Variants in ANP32A observed in about 807,000 individuals in gnomAD.
ANP32A encodes acidic leucine-rich nuclear phosphoprotein 32 family member A.
Under a neutral mutation model 33.9 loss-of-function variants are expected in ANP32A, and 1 was observed. That is an observed-to-expected ratio of 0.03 (90% CI 0.01 to 0.14). The LOEUF (loss-of-function observed/expected upper bound fraction) is 0.14, where lower values mean the gene tolerates loss of function less well. Ranked by LOEUF, ANP32A falls within the 10% of genes least tolerant of loss-of-function variation. The probability of loss-of-function intolerance (pLI) is 1.00; values close to 1 mark genes in which losing one functional copy is unlikely to be tolerated. For missense variants in ANP32A, 155 were observed against 306.0 expected (o/e 0.51, Z 3.68); for synonymous variants, 115 against 120.5 (o/e 0.95, Z 0.30).
chr15:68,786,416 C>T (rs1172821363), intron 3 of ANP32A, among the ~76,000 whole-genome samples: 4 of 151,950 alleles, frequency 2.6e-5, no homozygotes, highest in Non-Finnish European at 5.9e-5. Flanking sequence ...TGTGCCACCA[C>T]GCCGGGCTAA....
At chr15:68,819,043 G>C (rs1045787889) in intron 1 of ANP32A, among the ~76,000 whole-genome samples, 1 of 152,248 alleles carries the variant, frequency 6.6e-6, no homozygotes, top group Non-Finnish European at 1.5e-5. Context: ...AGGCGGGGAG[G>C]GGGTAGACAA....
intron 1 of ANP32A, among the ~76,000 whole-genome samples, chr15:68,793,914 C>T (rs1244869256): frequency 6.6e-6 from 1 of 152,194 alleles, no homozygotes; most frequent in Non-Finnish European, 1.5e-5. Flanking sequence ...AGGACAGGAC[C>T]AGAGAGAAGG....
At chr15:68,794,503 C>T (rs1596067597) in intron 1 of ANP32A, among the ~76,000 whole-genome samples, 1 of 152,218 alleles carries the variant, frequency 6.6e-6, no homozygotes, top group African/African-American at 2.4e-5. Flanking sequence ...AGTCTTTGCA[C>T]ACAAGAGAAG....
intron 1 of ANP32A, chr15:68,789,769 A>C (rs1893977323): frequency 6.6e-6 from 1 of 152,484 alleles, no homozygotes; most frequent in African/African-American, 2.4e-5. Context: ...CACAGCCCAC[A>C]GAGCAGGAGA....
chr15:68,820,859 C>T lies in ANP32A; in HGVS notation c.-108G>A, dbSNP rs569348360. Reference sequence around the variant, plus strand: ...GACTTTGAAGGCTCAACCAGCTCCGCTCGGTTCTCGAGCCCCCAGCACCCG... The same window carrying T: ...GACTTTGAAGGCTCAACCAGCTCCGTTCGGTTCTCGAGCCCCCAGCACCCG... On this transcript the variant is annotated 5_prime_UTR_variant, in exon 1 of 7. Transcript: ENST00000465139. The T allele has an allele frequency of 2.2e-6, 3 of 1,353,912 alleles. No homozygotes were observed. Among genetic ancestry groups the T allele is most frequent in the African/African-American group, 1.4e-5 (1 of 69,480 alleles). The allele number at this position is 1,353,912 out of a possible 1,614,324, so 83.9% of individuals were successfully genotyped here.
chr15:68,813,657 G>A (rs1487252495), intron 1 of ANP32A, among the ~76,000 whole-genome samples: 2 of 152,154 alleles, frequency 1.3e-5, no homozygotes, highest in Non-Finnish European at 1.5e-5. Context: ...GAGGGATGCT[G>A]GTGGCAAACA....
At chr15:68,812,851 T>C (rs906119212) in intron 1 of ANP32A, 1 of 152,142 alleles carries the variant, frequency 6.6e-6, no homozygotes, top group Admixed American at 6.5e-5. Context: ...AGCAGAAAGT[T>C]CGAAAGCCAC....
At chr15:68,809,058 T>C (rs1417978446) in intron 1 of ANP32A, among the ~76,000 whole-genome samples, 1 of 152,150 alleles carries the variant, frequency 6.6e-6, no homozygotes, top group East Asian at 1.9e-4. Context: ...CGTAGCTACT[T>C]CCTGGCCTCT....
At chr15:68,820,507 G>C (rs1307984897) in intron 1 of ANP32A, among the ~76,000 whole-genome samples, 191 bp downstream of exon 1, 1 of 152,086 alleles carries the variant, frequency 6.6e-6, no homozygotes, top group African/African-American at 2.4e-5. Context: ...GGCAGCGGCG[G>C]CGGCAGCCGG....
intron 1 of ANP32A, chr15:68,818,307 A>G: frequency 8.4e-6 from 2 of 238,252 alleles, no homozygotes; most frequent in Non-Finnish European, 1.8e-5. Context: ...CAGTTGGGAG[A>G]GGTGCCGAAG....
chr15:68,819,344 G>A (rs1347691592), intron 1 of ANP32A, among the ~76,000 whole-genome samples: 2 of 152,236 alleles, frequency 1.3e-5, no homozygotes, highest in Admixed American at 6.5e-5. Context: ...AAGCGAGAGG[G>A]AGGCAGAAAT....
chr15:68,780,225 C>T lies in ANP32A; in HGVS notation c.689-83G>A. 2 of 1,584,628 alleles carry T rather than the reference C, an allele frequency of 1.3e-6. No homozygotes were observed. Among genetic ancestry groups the T allele is most frequent in the Admixed American group, 1.8e-5 (1 of 56,132 alleles). Reference sequence around the variant, plus strand: ...ACCCACCCAGTGAGAAGTCAGGGGACCCATGACTAGCAAGCTGTGCCATCC... The same window carrying T: ...ACCCACCCAGTGAGAAGTCAGGGGATCCATGACTAGCAAGCTGTGCCATCC... On this transcript the variant is annotated intron_variant, in intron 6 of 6. Transcript: ENST00000465139. This position sits in a 1 kb window ranked among gnomAD's most constrained non-coding sequence, Gnocchi z 4.3.
chr15:68,816,011 C>G (rs1364590006), intron 1 of ANP32A, among the ~76,000 whole-genome samples: 2 of 152,172 alleles, frequency 1.3e-5, no homozygotes, highest in Non-Finnish European at 2.9e-5. Context: ...TGTCCCCCAG[C>G]ACCTTGAAGG....
At chr15:68,786,314 C>T (rs1013023945) in intron 3 of ANP32A, among the ~76,000 whole-genome samples, 3 of 136,350 alleles carry the variant, frequency 2.2e-5, no homozygotes, top group Non-Finnish European at 3.0e-5. Context: ...GGCTGGAGTG[C>T]AGTGACGCGA....
intron 1 of ANP32A, among the ~76,000 whole-genome samples, chr15:68,800,208 G>GC (rs1474216004): frequency 7.9e-5 from 12 of 152,248 alleles, no homozygotes; most frequent in Non-Finnish European, 5.9e-5. Flanking sequence ...GCTATGATTT[G>GC]ATTCTTTCTT....
At chr15:68,807,541 C>T (rs1894251586) in intron 1 of ANP32A, among the ~76,000 whole-genome samples, 1 of 152,098 alleles carries the variant, frequency 6.6e-6, no homozygotes, top group African/African-American at 2.4e-5. Flanking sequence ...CTCAGACTTG[C>T]TCCCACCCCA....
intron 1 of ANP32A, chr15:68,801,941 G>C (rs908886973): frequency 1.3e-5 from 2 of 154,264 alleles, no homozygotes; most frequent in African/African-American, 4.8e-5. Context: ...CATCCTGAGA[G>C]GGCCAGGCCA....
chr15:68,780,000 G>A lies in ANP32A; in HGVS notation c.*81C>T. ...AGAAAAAAATAAGTTTCAGGGGGCA[G>A]GATTGGAGGGGGGGGGGAGAGGGGA... On this transcript the variant is annotated 3_prime_UTR_variant, in exon 7 of 7. Transcript: ENST00000465139. The A allele has an allele frequency of 1.5e-6, 2 of 1,341,776 alleles. No homozygotes were observed. Among genetic ancestry groups the A allele is most frequent in the South Asian group, 1.3e-5 (1 of 79,460 alleles). 83.1% of individuals were successfully genotyped at this position (1,341,776 alleles called of 1,614,324 possible).
Position 68,780,426 on chromosome 15 carries a change from A to G in ANP32A, c.672T>C (p.Asp224=), listed in dbSNP as rs1057028481. The G allele has an allele frequency of 1.9e-6, 3 of 1,614,038 alleles. No homozygotes were observed. Among genetic ancestry groups the G allele is most frequent in the African/African-American group, 2.7e-5 (2 of 75,052 alleles). Residue 224 remains aspartate, a synonymous_variant, in exon 6 of 7, where the codon GAT becomes GAC. Coordinates refer to ENST00000465139, the MANE Select transcript of ANP32A (RefSeq NM_006305.4). This position sits in a 1 kb window ranked among gnomAD's most constrained non-coding sequence, Gnocchi z 4.3. ...YNDGEVDDEE[D]EEELGEEERG... is the part of the protein sequence containing the mutation. ...CTGCCATACCACCAAGCTCTTCTTCATCTTCCTCGTCATCTACCTCTCCAT... is the reference window on the plus strand; with the variant it reads ...CTGCCATACCACCAAGCTCTTCTTCGTCTTCCTCGTCATCTACCTCTCCAT...
Sources: gnomAD v4.1 joint callset for allele counts (sites outside exome capture counted in the v4.1 genomes callset) on GRCh38, gnomAD v4.1.1 for gene constraint, Gnocchi (gnomAD v3.1) non-coding constraint, MANE v1.5 for transcripts, NCBI Gene and HGNC (gene_info 2026-07-23, HGNC 2026-07-21) for gene names.